ATP6V0E1: variants seen among roughly 807,000 people sequenced by gnomAD.
ATP6V0E1 encodes the protein ATPase H+ transporting V0 subunit e1, also known as V-type proton ATPase subunit e 1.
ATP6V0E1 carries 4 observed loss-of-function variants against 11.6 expected under a neutral mutation model. The ratio of observed to expected loss-of-function variants is 0.35; its 90% CI spans 0.17 to 0.79. The LOEUF is 0.79. Ranked by LOEUF, ATP6V0E1 falls within the 30% of genes least tolerant of loss-of-function variation. ATP6V0E1 has a pLI of 0.54. For synonymous variants in ATP6V0E1, 36 were observed against 34.8 expected, an observed-to-expected ratio of 1.04 and a Z score of -0.13; for missense variants, 105 against 100.0, an observed-to-expected ratio of 1.05 and a Z score of -0.21.
intron 2 of ATP6V0E1, among the ~76,000 whole-genome samples, chr5:173,009,251 A>C (rs892100476): frequency 9.2e-5 from 14 of 151,930 alleles, no homozygotes; most frequent in Admixed American, 6.6e-4. Flanking sequence ...AAAATAAATA[A>C]ATAAAATAAA....
At chr5:172,993,106 G>A (rs1460733479) in intron 1 of ATP6V0E1, among the ~76,000 whole-genome samples, 1 of 152,198 alleles carries the variant, frequency 6.6e-6, no homozygotes, top group Non-Finnish European at 1.5e-5. Context: ...CCACAAGGCA[G>A]TGGTTTTTAT....
intron 3 of ATP6V0E1, among the ~76,000 whole-genome samples, chr5:173,024,106 G>A (rs980224412): frequency 6.7e-6 from 1 of 150,232 alleles, no homozygotes; most frequent in Non-Finnish European, 1.5e-5. Context: ...GCTGAGGTAG[G>A]AGAATGGCAT....
intron 1 of ATP6V0E1, among the ~76,000 whole-genome samples, chr5:172,991,856 G>A (rs1006958196): frequency 1.3e-5 from 2 of 151,846 alleles, no homozygotes; most frequent in African/African-American, 4.8e-5. Context: ...CTTTCTTTTT[G>A]CCCCGCTTCC....
chr5:173,021,836 C>T (rs1345723062), intron 3 of ATP6V0E1, among the ~76,000 whole-genome samples: 2 of 152,286 alleles, frequency 1.3e-5, no homozygotes, highest in African/African-American at 4.8e-5. Context: ...ATCACGAGGT[C>T]ACGAGATCGA....
chr5:172,995,006 G>A (rs1756043910), intron 2 of ATP6V0E1, among the ~76,000 whole-genome samples, 184 bp downstream of exon 2: 1 of 152,122 alleles, frequency 6.6e-6, no homozygotes, highest in South Asian at 2.1e-4. Context: ...ATCCTTCTGG[G>A]AATACAACTT....
intron 2 of ATP6V0E1, among the ~76,000 whole-genome samples, chr5:173,003,293 T>C (rs1756186354): frequency 6.6e-6 from 1 of 152,064 alleles, no homozygotes; most frequent in Non-Finnish European, 1.5e-5. Context: ...GGGGAGTGAT[T>C]GGGCCTCTCT....
chr5:172,984,636 C>A (rs1267195750), intron 1 of ATP6V0E1, among the ~76,000 whole-genome samples: 1 of 152,170 alleles, frequency 6.6e-6, no homozygotes, highest in African/African-American at 2.4e-5. Context: ...TTCCAGACTT[C>A]TTTGTTGGTT....
chr5:172,992,312 A>G (rs1182021427), intron 1 of ATP6V0E1, among the ~76,000 whole-genome samples: 5 of 152,162 alleles, frequency 3.3e-5, no homozygotes, highest in African/African-American at 1.2e-4. Flanking sequence ...CGGCCTCCCA[A>G]AGTGCCGGGA....
chr5:173,024,816 TTTTTA>T (rs954699657), intron 3 of ATP6V0E1, among the ~76,000 whole-genome samples: 95 of 151,358 alleles, frequency 6.3e-4, no homozygotes, highest in Middle Eastern at 6.8e-3. Context: ...CATTACAGAG[TTTTTA>T]TTTTATTTTA....
chr5:173,027,146 T>G (rs1017515564), intron 3 of ATP6V0E1, among the ~76,000 whole-genome samples: 3 of 121,984 alleles, frequency 2.5e-5, no homozygotes, highest in African/African-American at 6.5e-5. Context: ...GCCACTGCGC[T>G]CCAGCCTGGG....
intron 1 of ATP6V0E1, among the ~76,000 whole-genome samples, chr5:172,991,638 C>T (rs1256591352): frequency 2.0e-5 from 3 of 152,038 alleles, no homozygotes; most frequent in Non-Finnish European, 1.5e-5. Context: ...ACAAATGAAG[C>T]GGGGGACTTG....
chr5:173,008,282 C>CT (rs970851636), intron 2 of ATP6V0E1, among the ~76,000 whole-genome samples: 17 of 149,098 alleles, frequency 1.1e-4, no homozygotes, highest in African/African-American at 2.5e-5. Flanking sequence ...AGTCCTGTTC[C>CT]TTTTTTTTTC....
In ATP6V0E1 at chr5:172,984,018, C is replaced by G. The variant is rs971493895; in HGVS notation, c.104+54C>G. On this transcript the variant is annotated intron_variant, in intron 1 of 3. Transcript: ENST00000519374. ...AACGGGCGGTGAGGAGCTAGCAGGCCGGGGCGGGGAAAGGCACGACCCCCA... is the reference window on the plus strand; with the variant it reads ...AACGGGCGGTGAGGAGCTAGCAGGCGGGGGCGGGGAAAGGCACGACCCCCA... 5 of 1,561,450 alleles carry G rather than the reference C, an allele frequency of 3.2e-6. No homozygotes were observed. The African/African-American group carries it at 6.8e-5, about 21-fold the overall frequency.
chr5:173,032,653 T>C (rs1428365915), intron 3 of ATP6V0E1, among the ~76,000 whole-genome samples: 1 of 152,090 alleles, frequency 6.6e-6, no homozygotes, highest in Non-Finnish European at 1.5e-5. Flanking sequence ...TTGTATATGG[T>C]TTTTCAAAAG....
chr5:172,999,886 C>T (rs1756125561), intron 2 of ATP6V0E1, among the ~76,000 whole-genome samples: 1 of 152,164 alleles, frequency 6.6e-6, no homozygotes, highest in Admixed American at 6.5e-5. Context: ...TCTTTGAAAT[C>T]TGATCATACA....
chr5:173,000,370 C>A (rs1026470736), intron 2 of ATP6V0E1, among the ~76,000 whole-genome samples: 11 of 152,100 alleles, frequency 7.2e-5, no homozygotes. Flanking sequence ...TACTATATTT[C>A]TGGTCTTAGG....
At chr5:173,029,040 T>G (rs1756603066) in intron 3 of ATP6V0E1, among the ~76,000 whole-genome samples, 1 of 152,214 alleles carries the variant, frequency 6.6e-6, no homozygotes, top group Admixed American at 6.5e-5. Flanking sequence ...AATGCTGTTT[T>G]ATTATAAAGT....
At chr5:172,998,560 A>C (rs1417462372) in intron 2 of ATP6V0E1, among the ~76,000 whole-genome samples, 1 of 150,466 alleles carries the variant, frequency 6.6e-6, no homozygotes, top group Admixed American at 6.6e-5. Context: ...GCAGTGAGCC[A>C]AGATCGCTCC....
intron 2 of ATP6V0E1, among the ~76,000 whole-genome samples, chr5:173,014,805 G>A (rs1756378634): frequency 6.6e-6 from 1 of 151,994 alleles, no homozygotes; most frequent in Non-Finnish European, 1.5e-5. Flanking sequence ...ATTAAACAGA[G>A]GAAATAAGTT....
Sources: allele counts gnomAD v4.1 joint callset (sites outside exome capture counted in the v4.1 genomes callset), GRCh38; gene constraint gnomAD v4.1.1; transcripts MANE v1.5; gene names NCBI Gene and HGNC (gene_info 2026-07-23, HGNC 2026-07-21).